Variants in SUMF1 observed in about 807,000 individuals in gnomAD.
The protein encoded by SUMF1 is formylglycine-generating enzyme.
In SUMF1, 48 loss-of-function variants were observed where a neutral mutation model predicts 47.6. That is an observed-to-expected ratio of 1.01 (90% CI 0.80 to 1.28). SUMF1 has a LOEUF of 1.28. SUMF1 is among the 50% of genes most tolerant of loss of function. The pLI is 0.00. For missense variants in SUMF1, 571 were observed against 485.4 expected (o/e 1.18, Z -1.66); for synonymous variants, 230 against 192.1 (o/e 1.20, Z -1.63).
chr3:4,167,233 A>G (rs920734774), intron 8 of SUMF1, among the ~76,000 whole-genome samples: 1 of 151,942 alleles, frequency 6.6e-6, no homozygotes, highest in African/African-American at 2.4e-5. Context: ...CGAAAGAACA[A>G]AGCTTCCACA....
rs115972202 is a variant in SUMF1, at chr3:4,286,671, C to G, written c.1014+89659G>C. Among the ~76,000 whole-genome samples the G allele has an allele frequency of 6.8e-3, 1,029 of 152,134 alleles. 10 individuals carry two copies. Among genetic ancestry groups the G allele is most frequent in the African/African-American group, 0.024 (976 of 41,516 alleles). ...ATAAAAGAATATTACAAATAAGTTTCGCAAGTTAAAGCTTATAAAATAATA... is the reference window on the plus strand; with the variant it reads ...ATAAAAGAATATTACAAATAAGTTTGGCAAGTTAAAGCTTATAAAATAATA... On this transcript the variant is annotated intron_variant and NMD_transcript_variant, in intron 8 of 12. Coordinates refer to the SUMF1 transcript ENST00000448413.
intron 8 of SUMF1, among the ~76,000 whole-genome samples, chr3:4,245,817 G>T (rs917730645): frequency 6.6e-6 from 1 of 152,200 alleles, no homozygotes; most frequent in Non-Finnish European, 1.5e-5. Context: ...GCTGTCTGCT[G>T]CCTTTGGTTC....
intron 8 of SUMF1, among the ~76,000 whole-genome samples, chr3:4,103,762 C>T (rs41401948): frequency 0.15 from 22,836 of 151,938 alleles, 3,659 homozygotes; most frequent in African/African-American, 0.39. Context: ...ACCATGATTA[C>T]GTCCTCTCTA....
intron 8 of SUMF1, among the ~76,000 whole-genome samples, chr3:4,162,756 G>A (rs915040503): frequency 3.0e-4 from 45 of 152,226 alleles, no homozygotes; most frequent in Middle Eastern, 3.4e-3. Flanking sequence ...TCAGTGATAT[G>A]AAGTTAAAAC....
At chr3:4,207,912 CTG>C (rs1348746309) in intron 8 of SUMF1, among the ~76,000 whole-genome samples, 1 of 152,032 alleles carries the variant, frequency 6.6e-6, no homozygotes, top group Non-Finnish European at 1.5e-5. Flanking sequence ...GTGAACACGT[CTG>C]AGAGTTAAAA....
chr3:4,201,840 C>T (rs1695546907), intron 8 of SUMF1, among the ~76,000 whole-genome samples: 2 of 151,948 alleles, frequency 1.3e-5, no homozygotes, highest in Non-Finnish European at 2.9e-5. Flanking sequence ...GAGATGATAT[C>T]CCATTGTAAT....
chr3:4,265,733 A>G (rs1382067685), intron 8 of SUMF1, among the ~76,000 whole-genome samples: 1 of 152,180 alleles, frequency 6.6e-6, no homozygotes, highest in Non-Finnish European at 1.5e-5. Flanking sequence ...CTTTAGTTTA[A>G]TTAGAACCCA....
chr3:4,163,400 GA>G (rs1559525405), intron 8 of SUMF1, among the ~76,000 whole-genome samples: 2 of 38,688 alleles, frequency 5.2e-5, no homozygotes, highest in Non-Finnish European at 5.6e-5. Flanking sequence ...GGGAGGGAGG[GA>G]GGGAGGGAGG....
intron 8 of SUMF1, among the ~76,000 whole-genome samples, chr3:4,122,369 G>A (rs1411803782): frequency 1.3e-5 from 2 of 152,126 alleles, no homozygotes; most frequent in Non-Finnish European, 2.9e-5. Context: ...ACACAAAGCA[G>A]ATTGGTGGTG....
chr3:4,119,133 C>A (rs564726748), intron 8 of SUMF1, among the ~76,000 whole-genome samples: 15 of 152,260 alleles, frequency 9.9e-5, no homozygotes, highest in African/African-American at 3.6e-4. Context: ...ACCATAAGGT[C>A]ACTCTCAACT....
chr3:4,049,160 C>G (rs1467439331), intron 9 of SUMF1, among the ~76,000 whole-genome samples: 3 of 152,156 alleles, frequency 2.0e-5, no homozygotes, highest in Non-Finnish European at 4.4e-5. Flanking sequence ...TTGCACTACA[C>G]AGACATTGCA....
At chr3:4,194,696 T>A (rs181736925) in intron 8 of SUMF1, among the ~76,000 whole-genome samples, 1 of 152,310 alleles carries the variant, frequency 6.6e-6, no homozygotes, top group African/African-American at 2.4e-5. Flanking sequence ...AAACAGTCAA[T>A]AAATTTTAGC....
At chr3:4,149,098 G>A (rs1449439498) in intron 8 of SUMF1, among the ~76,000 whole-genome samples, 2 of 152,110 alleles carry the variant, frequency 1.3e-5, no homozygotes, top group African/African-American at 4.8e-5. Flanking sequence ...AGTTCCTTAA[G>A]AGCTCTGGAA....
intron 8 of SUMF1, among the ~76,000 whole-genome samples, chr3:4,225,951 C>A (rs1407553559): frequency 6.6e-6 from 1 of 151,986 alleles, no homozygotes; most frequent in East Asian, 1.9e-4. Flanking sequence ...GGATGGAGAG[C>A]CCATCAGAGG....
chr3:4,205,141 T>C (rs567049710), intron 8 of SUMF1, among the ~76,000 whole-genome samples: 2 of 152,208 alleles, frequency 1.3e-5, no homozygotes, highest in South Asian at 4.1e-4. Context: ...CATTCCACCA[T>C]TGTGATTTGT....
At chr3:4,107,358 T>A (rs944856724) in intron 8 of SUMF1, among the ~76,000 whole-genome samples, 2 of 152,088 alleles carry the variant, frequency 1.3e-5, no homozygotes, top group Admixed American at 1.3e-4. Context: ...TAGTGTGCTG[T>A]TTTATTTACT....
chr3:4,185,248 T>C (rs1695177119), intron 8 of SUMF1, among the ~76,000 whole-genome samples: 1 of 152,174 alleles, frequency 6.6e-6, no homozygotes, highest in South Asian at 2.1e-4. Flanking sequence ...GAACATCATA[T>C]ATAATCCCAT....
In SUMF1 at chr3:4,267,240, A is replaced by C. The variant is rs536481450; in HGVS notation, c.1014+109090T>G. 2.9e-3 allele frequency among the ~76,000 whole-genome samples: 434 copies of C among 152,276 alleles called. 3 individuals carry two copies. Among genetic ancestry groups the C allele is most frequent in the African/African-American group, 8.5e-3 (354 of 41,554 alleles). On this transcript the variant is annotated intron_variant and NMD_transcript_variant, in intron 8 of 12. Coordinates refer to the SUMF1 transcript ENST00000448413. ...GGTATCAGAATGATGCTGGCCTCAT[A>C]AAATGAGTTAGGGAGGTTTCCCTCT...
intron 8 of SUMF1, among the ~76,000 whole-genome samples, chr3:4,370,195 A>C (rs1179086284): frequency 6.6e-6 from 1 of 152,190 alleles, no homozygotes; most frequent in Non-Finnish European, 1.5e-5. Context: ...GAGTTGCCCA[A>C]AGATCTGGAG....
Sources: gnomAD v4.1 joint callset for allele counts (sites outside exome capture counted in the v4.1 genomes callset) on GRCh38, gnomAD v4.1.1 for gene constraint, MANE v1.5 for transcripts, NCBI Gene and HGNC (gene_info 2026-07-23, HGNC 2026-07-21) for gene names.